NCOA7: variants seen among roughly 807,000 people sequenced by gnomAD.
NCOA7 encodes the protein 140 kDa estrogen receptor-associated protein.
A neutral mutation model predicts 104.3 loss-of-function variants in NCOA7; 45 were observed. The observed-to-expected ratio is 0.43, with a 90% CI of 0.34 to 0.55. The LOEUF is 0.55. Among genes scored for constraint, NCOA7 ranks in the 20% least tolerant of loss-of-function variants. The pLI, the probability that NCOA7 is intolerant of heterozygous loss-of-function variation, is 0.02. For missense variants in NCOA7, 1,041 were observed against 1,119.7 expected, an observed-to-expected ratio of 0.93 and a Z score of 1.00; for synonymous variants, 398 against 402.3, an observed-to-expected ratio of 0.99 and a Z score of 0.13.
chr6:125,906,166 C>T (rs1041601764), intron 10 of NCOA7, among the ~76,000 whole-genome samples: 4 of 152,032 alleles, frequency 2.6e-5, no homozygotes, highest in African/African-American at 9.7e-5. Flanking sequence ...AGGAAATTCA[C>T]CAGGGAGTGG....
At chr6:125,829,950 A>G (rs940211561) in intron 2 of NCOA7, among the ~76,000 whole-genome samples, 1 of 152,190 alleles carries the variant, frequency 6.6e-6, no homozygotes, top group East Asian at 1.9e-4. Flanking sequence ...AAAATCTTTT[A>G]GTCGAAATAT....
chr6:125,923,101 T>A (rs1424374209), intron 13 of NCOA7, among the ~76,000 whole-genome samples: 2 of 152,182 alleles, frequency 1.3e-5, no homozygotes, highest in Admixed American at 6.5e-5. Flanking sequence ...TCTAAGGAGC[T>A]TTTTTCTATC....
chr6:125,881,670 C>CA lies in NCOA7; in HGVS notation c.573+487dup, dbSNP rs397887394. 5.8e-3 allele frequency among the ~76,000 whole-genome samples: 522 copies of CA among 90,472 alleles called. 3 individuals are homozygous for CA. Among genetic ancestry groups the CA allele is most frequent in the African/African-American group, 7.0e-3 (162 of 23,144 alleles). 59.4% of individuals were successfully genotyped at this position (90,472 alleles called of 152,430 possible). A position where few individuals can be genotyped will look rare whatever the true frequency, so the allele number is the denominator to read the frequency against. ...TGGGTGACAGAGTGAAACCCTATCT[C>CA]AAAAAAAAAAAAAAAAAAAAGGCAA... On this transcript the variant is annotated intron_variant, in intron 6 of 15. Coordinates refer to ENST00000392477, the MANE Select transcript of NCOA7 (RefSeq NM_181782.5).
At chr6:125,826,660 A>G (rs944900148) in intron 2 of NCOA7, among the ~76,000 whole-genome samples, 3 of 152,242 alleles carry the variant, frequency 2.0e-5, no homozygotes, top group Admixed American at 2.0e-4. Context: ...TTAAGCCCAG[A>G]CGGTAGATTG....
At chr6:125,920,718 G>T (rs1264947519) in intron 11 of NCOA7, among the ~76,000 whole-genome samples, 1 of 152,134 alleles carries the variant, frequency 6.6e-6, no homozygotes, top group Non-Finnish European at 1.5e-5. Context: ...CTTGTGACTT[G>T]TGACTTTAAT....
At position 125,928,254 on chromosome 6, in the gene NCOA7, T is replaced by A. The variant is rs776684709; in HGVS notation, c.2693+7T>A. On this transcript the variant is annotated splice_region_variant and intron_variant, in intron 15 of 15. Transcript: ENST00000392477. ...TAGAACTTGGTGGTGGAGGGTAAGG[T>A]TTTTTTTGTTTTTGTTTTCTTATTG... 4 of 1,595,504 alleles carry A rather than the reference T, an allele frequency of 2.5e-6. No individual in the cohort carries two copies. In the East Asian group the frequency reaches 6.7e-5, roughly 27 times the overall value.
intron 3 of NCOA7, among the ~76,000 whole-genome samples, chr6:125,857,478 A>G (rs745769116): frequency 4.0e-5 from 6 of 151,764 alleles, no homozygotes; most frequent in Non-Finnish European, 8.8e-5. Context: ...GGTTCTCACT[A>G]TAAAATTGGT....
At chr6:125,891,110 CT>C (rs1784591422) in intron 10 of NCOA7, among the ~76,000 whole-genome samples, 1 of 152,114 alleles carries the variant, frequency 6.6e-6, no homozygotes. Context: ...TAGAAGTGCT[CT>C]TTCATTGAGG....
Position 125,889,945 on chromosome 6 carries a change from T to C in NCOA7, c.1891T>C (p.Leu631=). Residue 631 remains leucine, a synonymous_variant, in exon 9 of 16, where the codon TTG becomes CTG. Transcript: ENST00000392477. The part of the protein sequence containing the change: ...AQMDNKSEVQ[L]WLLKRIQVPI... ...AATGGATAATAAATCTGAAGTTCAG[T>C]TGTGGCTGTTAAAGAGAATTCAGGT... 6.4e-7 allele frequency: 1 copy of C among 1,560,860 alleles called. No homozygotes were observed. Among genetic ancestry groups the C allele is most frequent in the Non-Finnish European group, 8.6e-7 (1 of 1,157,638 alleles).
At chr6:125,848,111 C>T (rs186112745) in intron 2 of NCOA7, among the ~76,000 whole-genome samples, 64 of 152,268 alleles carry the variant, frequency 4.2e-4, no homozygotes, top group Middle Eastern at 6.8e-3. Flanking sequence ...TACCATCTTA[C>T]GCCAGTTATA....
chr6:125,794,227 A>G (rs912450733), intron 1 of NCOA7, among the ~76,000 whole-genome samples: 1 of 152,212 alleles, frequency 6.6e-6, no homozygotes, highest in Non-Finnish European at 1.5e-5. Context: ...AAGAAATTCC[A>G]TTTAACTTTA....
intron 10 of NCOA7, among the ~76,000 whole-genome samples, chr6:125,900,796 A>C (rs934347641): frequency 6.6e-6 from 1 of 152,172 alleles, no homozygotes; most frequent in Non-Finnish European, 1.5e-5. Flanking sequence ...TTATAGACAC[A>C]CTAAGACCCT....
At chr6:125,784,685 T>G (rs1583204929) in intron 1 of NCOA7, among the ~76,000 whole-genome samples, 1 of 152,216 alleles carries the variant, frequency 6.6e-6, no homozygotes, top group Non-Finnish European at 1.5e-5. Context: ...GGTACATCGA[T>G]ATGCCTTGGA....
At chr6:125,790,771 A>T (rs1366457580), upstream of NCOA7, 2 of 152,290 alleles carry the variant, frequency 1.3e-5, no homozygotes, top group East Asian at 3.9e-4. Flanking sequence ...CCATGCCCTG[A>T]CGGGGGGCGC....
At chr6:125,917,782 GAC>G (rs1187124424) in intron 11 of NCOA7, among the ~76,000 whole-genome samples, 4 of 152,226 alleles carry the variant, frequency 2.6e-5, no homozygotes, top group African/African-American at 9.6e-5. Context: ...GAAAAAATGA[GAC>G]AAACGGTTAC....
intron 10 of NCOA7, among the ~76,000 whole-genome samples, chr6:125,895,582 T>C (rs1465006802): frequency 6.6e-6 from 1 of 152,164 alleles, no homozygotes; most frequent in Non-Finnish European, 1.5e-5. Context: ...TGTGACTGGT[T>C]AATTGACGAG....
At chr6:125,803,664 G>A (rs1385583915) in intron 1 of NCOA7, among the ~76,000 whole-genome samples, 2 of 152,168 alleles carry the variant, frequency 1.3e-5, no homozygotes, top group African/African-American at 2.4e-5. Flanking sequence ...TCCACAGAAG[G>A]CAAAGAAGTA....
intron 1 of NCOA7, among the ~76,000 whole-genome samples, chr6:125,813,937 T>C (rs1777326429): frequency 6.6e-6 from 1 of 152,088 alleles, no homozygotes; most frequent in African/African-American, 2.4e-5. Flanking sequence ...CTGAGGTCTA[T>C]TTTTCAGCAG....
chr6:125,912,409 C>T (rs1336348521), intron 10 of NCOA7, among the ~76,000 whole-genome samples: 3 of 152,154 alleles, frequency 2.0e-5, no homozygotes, highest in African/African-American at 7.2e-5. Flanking sequence ...TACTAAGAGT[C>T]TATATGTATA....
Sources: allele counts gnomAD v4.1 joint callset (sites outside exome capture counted in the v4.1 genomes callset), GRCh38; gene constraint gnomAD v4.1.1; transcripts MANE v1.5; gene names NCBI Gene and HGNC (gene_info 2026-07-23, HGNC 2026-07-21).